The following TTC1 variants were observed in gnomAD, a reference collection of about 807,000 sequenced individuals.
TTC1 encodes tetratricopeptide repeat protein 1.
Under a neutral mutation model 37.6 loss-of-function variants are expected in TTC1, and 31 were observed. The observed-to-expected ratio is 0.82, with a 90% CI of 0.62 to 1.11. TTC1 has a LOEUF of 1.11. TTC1 is among the 50% of genes most tolerant of loss of function. TTC1 has a pLI of 0.00. For synonymous variants in TTC1, 127 were observed against 122.4 expected, an observed-to-expected ratio of 1.04 and a Z score of -0.25; for missense variants, 351 against 339.0, an observed-to-expected ratio of 1.04 and a Z score of -0.28.
Position 160,010,500 on chromosome 5 carries a change from C to G in TTC1, c.-29C>G. 1.3e-6 allele frequency: 2 copies of G among 1,591,256 alleles called. No homozygotes were observed. The highest frequency in any genetic ancestry group is 1.7e-6 in the Non-Finnish European group (2 of 1,164,380). On this transcript the variant is annotated splice_region_variant and 5_prime_UTR_variant, in exon 2 of 8. Coordinates refer to ENST00000231238, the MANE Select transcript of TTC1 (RefSeq NM_003314.3). ...GCAGTTTTGTTTTGTTTTCCCCCAG[C>G]TTTAGCGTCACCTCCCTCACTGGGC...
Position 160,036,728 on chromosome 5 carries a change from C to T in TTC1, c.429C>T (p.Leu143=), listed in dbSNP as rs147828350. The change falls in exon 4 of 8, where the codon CTC becomes CTT. Residue 143 remains leucine (L), a synonymous_variant. Coordinates refer to ENST00000231238, the MANE Select transcript of TTC1 (RefSeq NM_003314.3). The part of the protein sequence containing the change: ...IEAESSYSRA[L]EMCPSCFQKE... ...CTGAAAGTTCTTATAGTCGAGCCCT[C>T]GAAATGTGCCCATCCTGCTTCCAAA... The T allele has an allele frequency of 6.2e-6, 10 of 1,613,812 alleles. No homozygotes were observed. Among genetic ancestry groups the T allele is most frequent in the East Asian group, 2.2e-5 (1 of 44,882 alleles).
chr5:160,024,180 G>A (rs1756762065), intron 2 of TTC1: 2 of 539,294 alleles, frequency 3.7e-6, no homozygotes, highest in Admixed American at 6.7e-5. Context: ...ACTGAGGTAG[G>A]GGTTTAATGT....
intron 2 of TTC1, among the ~76,000 whole-genome samples, chr5:160,025,587 G>C (rs1756787503): frequency 6.6e-6 from 1 of 152,216 alleles, no homozygotes; most frequent in South Asian, 2.1e-4. Flanking sequence ...GGAATTAAAA[G>C]TGACTTTTTC....
intron 2 of TTC1, among the ~76,000 whole-genome samples, chr5:160,026,645 T>C (rs1349576509): frequency 6.6e-6 from 1 of 152,220 alleles, no homozygotes; most frequent in Non-Finnish European, 1.5e-5. Flanking sequence ...GTTTACACAG[T>C]ATCTTTTTTT....
intron 2 of TTC1, among the ~76,000 whole-genome samples, chr5:160,016,428 G>T (rs1449168819): frequency 1.3e-5 from 2 of 152,046 alleles, no homozygotes; most frequent in South Asian, 2.1e-4. Flanking sequence ...TGAATCGTAG[G>T]TATTGACCTG....
chr5:160,046,353 C>T (rs904919604), intron 5 of TTC1, among the ~76,000 whole-genome samples: 2 of 152,190 alleles, frequency 1.3e-5, no homozygotes, highest in African/African-American at 4.8e-5. Context: ...AATTCTCTCT[C>T]TTAAATTTAA....
chr5:160,020,184 C>T (rs1415163190), intron 2 of TTC1, among the ~76,000 whole-genome samples: 1 of 152,196 alleles, frequency 6.6e-6, no homozygotes, highest in Non-Finnish European at 1.5e-5. Context: ...CCGCCCCAGC[C>T]TCCTTTTCTT....
intron 7 of TTC1, among the ~76,000 whole-genome samples, chr5:160,060,618 T>A (rs9313833): frequency 0.6 from 91,638 of 152,054 alleles, 27,603 homozygotes; most frequent in East Asian, 0.62. Context: ...GCAGATAGGC[T>A]AGTTTGGCAC....
In TTC1 at chr5:160,051,172, AAGAGATGTT is replaced by A; in HGVS notation, c.737_745del (p.Glu246_Leu248del). 6.2e-7 allele frequency: 1 copy of A among 1,610,804 alleles called. No homozygotes were observed. Among genetic ancestry groups the A allele is most frequent in the Non-Finnish European group, 8.5e-7 (1 of 1,178,090 alleles). The stretch of plus-strand genomic sequence containing the variant: ...GAAGAACGTAATGAAAGACTAAAAG[AAGAGATGTT>A]AGGTAAGCTTACTTCTTACTTTGCT... On this transcript the variant is annotated inframe_deletion and splice_region_variant, in exon 7 of 8. Coordinates refer to ENST00000231238, the MANE Select transcript of TTC1 (RefSeq NM_003314.3).
In TTC1 at chr5:160,010,852, G is replaced by T. The variant is rs1326658407; in HGVS notation, c.324G>T (p.Glu108Asp). 6 of 1,611,078 alleles carry T rather than the reference G, an allele frequency of 3.7e-6. No homozygotes were observed. In the Admixed American group the frequency reaches 6.7e-5, roughly 18 times the overall value. ...IELEKNMSDE[E>D]KQKRREESTR... Reference sequence around the variant, plus strand: ...TGGAAAAAAACATGTCGGATGAAGAGAAACAGGTAAGTATTTTATTTATTG... The same window carrying T: ...TGGAAAAAAACATGTCGGATGAAGATAAACAGGTAAGTATTTTATTTATTG... The change falls in exon 2 of 8, where the codon GAG becomes GAT. Residue 108 changes from glutamate (E) to aspartate (D), a missense_variant. By Grantham distance (45) the Glu-to-Asp change is conservative (BLOSUM62 2). Transcript: ENST00000231238.
At position 160,022,092 on chromosome 5, in the gene TTC1, CCT is replaced by C. The variant is rs200668178; in HGVS notation, c.330+11235_330+11236del. Among the ~76,000 whole-genome samples the C allele has an allele frequency of 9.7e-3, 1,472 of 152,234 alleles. 14 individuals are homozygous for C. Among genetic ancestry groups the C allele is most frequent in the Middle Eastern group, 0.02 (6 of 294 alleles). ...CCGGAGTGAGAGTCTTGGTTTTCCC[CCT>C]GTTTGTCTGTTGAGCACATGCTTAC... On this transcript the variant is annotated intron_variant, in intron 2 of 7. Transcript: ENST00000231238.
In TTC1 at chr5:160,009,181, A is replaced by G. The variant is rs773752225; in HGVS notation, c.-42A>G. 1.3e-5 allele frequency: 2 copies of G among 152,236 alleles called. No individual in the cohort carries two copies. Among genetic ancestry groups the G allele is most frequent in the Non-Finnish European group, 2.9e-5 (2 of 68,070 alleles). 9.4% of individuals were successfully genotyped at this position (152,236 alleles called of 1,614,324 possible). ...GAGGCTAAGAAGGTGGAGACCGGAGAAGCTGTGAGGTTGTGAGTAACCCCG... is the reference window on the plus strand; with the variant it reads ...GAGGCTAAGAAGGTGGAGACCGGAGGAGCTGTGAGGTTGTGAGTAACCCCG... On this transcript the variant is annotated 5_prime_UTR_variant, in exon 1 of 8. Coordinates refer to ENST00000231238, the MANE Select transcript of TTC1 (RefSeq NM_003314.3).
At chr5:160,026,104 C>T (rs1268749560) in intron 2 of TTC1, among the ~76,000 whole-genome samples, 3 of 152,076 alleles carry the variant, frequency 2.0e-5, no homozygotes, top group Non-Finnish European at 4.4e-5. Context: ...TTTTTAGATA[C>T]TTGGTTTTCT....
At chr5:160,064,766 G>A (rs1753549870) in intron 7 of TTC1, among the ~76,000 whole-genome samples, 166 bp from the exon 8 acceptor site, 1 of 152,168 alleles carries the variant, frequency 6.6e-6, no homozygotes, top group African/African-American at 2.4e-5. Flanking sequence ...GGGGAATAGG[G>A]GCTGGGAACT....
chr5:160,040,758 G>C (rs1757076276), intron 4 of TTC1, among the ~76,000 whole-genome samples: 1 of 151,104 alleles, frequency 6.6e-6, no homozygotes, highest in Admixed American at 6.6e-5. Context: ...AGCTAATTTT[G>C]TTTGGTTTTC....
intron 7 of TTC1, among the ~76,000 whole-genome samples, chr5:160,058,312 A>T (rs1489350707): frequency 6.6e-6 from 1 of 152,090 alleles, no homozygotes; most frequent in Non-Finnish European, 1.5e-5. Context: ...TCACCCCCTC[A>T]AAGTCATCCA....
intron 2 of TTC1, among the ~76,000 whole-genome samples, chr5:160,027,970 G>T (rs1422995527): frequency 6.6e-6 from 1 of 152,064 alleles, no homozygotes; most frequent in Non-Finnish European, 1.5e-5. Context: ...GAGCTTCTTG[G>T]ATCTTTAGAT....
At chr5:160,052,658 T>A in intron 7 of TTC1, among the ~76,000 whole-genome samples, 1 of 151,576 alleles carries the variant, frequency 6.6e-6, no homozygotes. Flanking sequence ...CATTGGTCTC[T>A]TAGTCCATTT....
At chr5:160,055,454 A>T (rs944497654) in intron 7 of TTC1, among the ~76,000 whole-genome samples, 6 of 152,230 alleles carry the variant, frequency 3.9e-5, no homozygotes, top group Non-Finnish European at 8.8e-5. Flanking sequence ...TTTTTAATAT[A>T]AGCTCTCTCA....
Sources: gnomAD v4.1 joint callset for allele counts (sites outside exome capture counted in the v4.1 genomes callset) on GRCh38, gnomAD v4.1.1 for gene constraint, MANE v1.5 for transcripts, NCBI Gene and HGNC (gene_info 2026-07-23, HGNC 2026-07-21) for gene names.